The following ALK variants were observed in gnomAD, a reference collection of about 807,000 sequenced individuals.
The protein encoded by ALK is ALK tyrosine kinase receptor.
Under a neutral mutation model 163.1 loss-of-function variants are expected in ALK, and 74 were observed. The observed-to-expected ratio is 0.45, with a 90% CI of 0.38 to 0.55. The LOEUF is 0.55. Among genes scored for constraint, ALK ranks in the 20% least tolerant of loss-of-function variants. The pLI, the probability that ALK is intolerant of heterozygous loss-of-function variation, is 0.00. For synonymous variants in ALK, 960 were observed against 843.2 expected, an observed-to-expected ratio of 1.14 and a Z score of -2.40; for missense variants, 2,063 against 2,105.3, an observed-to-expected ratio of 0.98 and a Z score of 0.39.
chr2:29,220,709 G>A lies in ALK; in HGVS notation c.3642C>T (p.Arg1214=), dbSNP rs1394591243. ...LKSFLRETRP[R]PSQPSSLAML... ...GCAAAGACTGGTTCTCACTCACCGG[G>A]CGAGGGCGGGTCTCTCGGAGGAAGG... The change falls in exon 23 of 29, where the codon CGC becomes CGT. Residue 1214 remains arginine (R), a synonymous_variant. Coordinates refer to ENST00000389048, the MANE Select transcript of ALK (RefSeq NM_004304.5). 6.2e-6 allele frequency: 10 copies of A among 1,613,418 alleles called. No individual in the cohort carries two copies. Among genetic ancestry groups the A allele is most frequent in the Non-Finnish European group, 7.6e-6 (9 of 1,179,702 alleles).
At chr2:29,715,624 A>G (rs1679226486) in intron 2 of ALK, among the ~76,000 whole-genome samples, 1 of 152,224 alleles carries the variant, frequency 6.6e-6, no homozygotes, top group African/African-American at 2.4e-5. Flanking sequence ...TGGAGTGGGT[A>G]GATTTACCCC....
chr2:29,556,087 C>T (rs939046529), intron 3 of ALK, among the ~76,000 whole-genome samples: 1 of 152,156 alleles, frequency 6.6e-6, no homozygotes, highest in African/African-American at 2.4e-5. Context: ...CCAAGCCAAA[C>T]CTGGCATCAG....
chr2:29,481,628 G>A (rs962938901), intron 4 of ALK, among the ~76,000 whole-genome samples: 9 of 152,172 alleles, frequency 5.9e-5, no homozygotes, highest in Non-Finnish European at 1.0e-4. Flanking sequence ...CTAAAAACTG[G>A]TGTTGAACAC....
chr2:29,594,189 A>C (rs1675138330), intron 3 of ALK, among the ~76,000 whole-genome samples: 1 of 152,212 alleles, frequency 6.6e-6, no homozygotes, highest in Non-Finnish European at 1.5e-5. Context: ...TATTTTATAA[A>C]GGTAATAAAT....
rs373597048 is a variant in ALK at position 29,700,091 on chromosome 2, G to A, written c.788-5077C>T. On this transcript the variant is annotated intron_variant, in intron 2 of 28. Coordinates refer to ENST00000389048, the MANE Select transcript of ALK (RefSeq NM_004304.5). Reference sequence around the variant, plus strand: ...TGATTCTATAGGCTTACCCTGGGCCGACACAATCAAACCTACAGACCACTC... The same window carrying A: ...TGATTCTATAGGCTTACCCTGGGCCAACACAATCAAACCTACAGACCACTC... Among the ~76,000 whole-genome samples the A allele has an allele frequency of 3.3e-5, 5 of 152,184 alleles. 1 individual carries two copies. The highest frequency in any genetic ancestry group is 3.9e-4 in the East Asian group (2 of 5,190).
intron 3 of ALK, among the ~76,000 whole-genome samples, chr2:29,574,315 C>T (rs1336838886): frequency 6.6e-6 from 1 of 152,150 alleles, no homozygotes; most frequent in Non-Finnish European, 1.5e-5. Flanking sequence ...TCCAGGACGG[C>T]GAGGGAGATC....
intron 1 of ALK, chr2:29,892,171 GGGCAATGT>G (rs1427745009): frequency 1.3e-5 from 2 of 152,152 alleles, no homozygotes; most frequent in Non-Finnish European, 2.9e-5. Context: ...TGTGCAGAAG[GGGCAATGT>G]GGCAGTTTCA....
At chr2:29,812,095 G>T (rs967704079) in intron 1 of ALK, among the ~76,000 whole-genome samples, 2 of 152,168 alleles carry the variant, frequency 1.3e-5, no homozygotes, top group Non-Finnish European at 2.9e-5. Context: ...CCCGAAGGAA[G>T]GACAAGTATG....
At chr2:29,387,237 C>T (rs4074944) in intron 4 of ALK, among the ~76,000 whole-genome samples, 9,140 of 152,240 alleles carry the variant, frequency 0.06, 556 homozygotes, top group East Asian at 0.32. Flanking sequence ...TGGCTCTGCC[C>T]CTCATTTGCC....
intron 4 of ALK, among the ~76,000 whole-genome samples, chr2:29,478,753 G>C (rs1288836710): frequency 6.6e-6 from 1 of 152,218 alleles, no homozygotes; most frequent in Non-Finnish European, 1.5e-5. Context: ...CTTCAAAGAG[G>C]ACCTCAGTGT....
chr2:29,677,638 G>A (rs1008238256), intron 3 of ALK, among the ~76,000 whole-genome samples: 2 of 151,944 alleles, frequency 1.3e-5, no homozygotes, highest in Admixed American at 6.6e-5. Context: ...ATTCCACTTG[G>A]TTATAGTGTA....
intron 9 of ALK, among the ~76,000 whole-genome samples, chr2:29,276,897 C>T (rs978530236): frequency 1.3e-5 from 2 of 152,070 alleles, no homozygotes; most frequent in Non-Finnish European, 2.9e-5. Context: ...TGCTCAGAAA[C>T]GGGATTGTGG....
intron 4 of ALK, among the ~76,000 whole-genome samples, chr2:29,525,533 T>C (rs1165806034): frequency 6.6e-6 from 1 of 152,060 alleles, no homozygotes; most frequent in African/African-American, 2.4e-5. Context: ...GGCTCATGCC[T>C]GTAATCCCAG....
At position 29,836,455 on chromosome 2, in the gene ALK, T is replaced by G. The variant is rs567095118; in HGVS notation, c.667+83538A>C. The stretch of plus-strand genomic sequence containing the variant: ...TAGTCACCATGAAAAAAATAGAGAT[T>G]GGAATGCTCGTGTCAGCAATAAGTG... On this transcript the variant is annotated intron_variant, in intron 1 of 28. Coordinates refer to ENST00000389048, the MANE Select transcript of ALK (RefSeq NM_004304.5). Among the ~76,000 whole-genome samples, 20 of 152,214 alleles carry G rather than the reference T, an allele frequency of 1.3e-4. No individual in the cohort carries two copies. The South Asian group carries it at 4.1e-3, about 32-fold the overall frequency.
At chr2:29,228,160 C>T (rs1012857202) in intron 16 of ALK, among the ~76,000 whole-genome samples, 29 of 152,334 alleles carry the variant, frequency 1.9e-4, no homozygotes, top group African/African-American at 6.7e-4. Flanking sequence ...TGGGCTCCCC[C>T]CTCGGGCTCC....
chr2:29,608,783 C>T (rs1413931166), intron 3 of ALK, among the ~76,000 whole-genome samples: 1 of 152,216 alleles, frequency 6.6e-6, no homozygotes, highest in Non-Finnish European at 1.5e-5. Flanking sequence ...AGGACTTCTG[C>T]AGCAGGAAAG....
intron 8 of ALK, among the ~76,000 whole-genome samples, chr2:29,298,409 C>T (rs1043048411): frequency 6.6e-6 from 1 of 152,172 alleles, no homozygotes; most frequent in South Asian, 2.1e-4. Flanking sequence ...AACTGTAAAC[C>T]CTTTCAGCTC....
At chr2:29,471,162 C>T (rs1289062901) in intron 4 of ALK, among the ~76,000 whole-genome samples, 1 of 152,110 alleles carries the variant, frequency 6.6e-6, no homozygotes. Context: ...TACTTTTCTA[C>T]AGAGAATATT....
intron 24 of ALK, among the ~76,000 whole-genome samples, chr2:29,212,703 GTTTTTTCTTT>G (rs1669496315): frequency 6.6e-6 from 1 of 151,738 alleles, no homozygotes; most frequent in Non-Finnish European, 1.5e-5. Flanking sequence ...CTATTTCTTT[GTTTTTTCTTT>G]TTTTTTCTTT....
Sources: gnomAD v4.1 joint callset for allele counts (sites outside exome capture counted in the v4.1 genomes callset) on GRCh38, gnomAD v4.1.1 for gene constraint, MANE v1.5 for transcripts, NCBI Gene and HGNC (gene_info 2026-07-23, HGNC 2026-07-21) for gene names.